The following LRRIQ3 variants were observed in gnomAD, a reference collection of about 807,000 sequenced individuals.
LRRIQ3 encodes leucine rich repeats and IQ motif containing 3.
A neutral mutation model predicts 59.3 loss-of-function variants in LRRIQ3; 75 were observed. That is an observed-to-expected ratio of 1.26 (90% CI 1.05 to 1.53). The LOEUF (loss-of-function observed/expected upper bound fraction) is 1.53. Ranked by LOEUF, LRRIQ3 falls within the 40% of genes most tolerant of loss-of-function variation. The pLI is 0.00. For synonymous variants in LRRIQ3, 250 were observed against 231.3 expected, an observed-to-expected ratio of 1.08 and a Z score of -0.73; for missense variants, 831 against 710.0, an observed-to-expected ratio of 1.17 and a Z score of -1.94.
At chr1:74,168,332 C>T (rs1385987477) in intron 3 of LRRIQ3, among the ~76,000 whole-genome samples, 4 of 152,108 alleles carry the variant, frequency 2.6e-5, no homozygotes, top group Non-Finnish European at 5.9e-5. Context: ...CATGATATAA[C>T]ATCTCTCTCC....
At chr1:74,118,035 G>A (rs1646801055) in intron 4 of LRRIQ3, among the ~76,000 whole-genome samples, 1 of 151,436 alleles carries the variant, frequency 6.6e-6, no homozygotes, top group African/African-American at 2.4e-5. Context: ...AATACATTTA[G>A]CTATTAAAAA....
At chr1:74,103,543 A>G (rs1236470122) in intron 5 of LRRIQ3, among the ~76,000 whole-genome samples, 1 of 151,984 alleles carries the variant, frequency 6.6e-6, no homozygotes, top group Non-Finnish European at 1.5e-5. Flanking sequence ...GAAACACACT[A>G]TTTCACAAAA....
intron 4 of LRRIQ3, among the ~76,000 whole-genome samples, chr1:74,146,559 A>C (rs1337966454): frequency 6.6e-6 from 1 of 152,240 alleles, no homozygotes; most frequent in African/African-American, 2.4e-5. Flanking sequence ...ATATAATTTC[A>C]TAACTTTGCT....
chr1:74,087,381 C>CTTTTTTTTTTTTTTTTTTTTT (rs57068994), intron 5 of LRRIQ3, among the ~76,000 whole-genome samples: 5 of 59,006 alleles, frequency 8.5e-5, no homozygotes, highest in Admixed American at 2.3e-4. Flanking sequence ...AAAATTTTAT[C>CTTTTTTTTTTTTTTTTTTTTT]TTTTTTTTTT....
At chr1:74,042,006 C>A in intron 6 of LRRIQ3, 73 bp from the exon 7 acceptor site, 1 of 1,357,546 alleles carries the variant, frequency 7.4e-7, no homozygotes, top group Non-Finnish European at 9.6e-7. Flanking sequence ...CCAAATATAT[C>A]AATAAACTTG....
Position 74,183,550 on chromosome 1 carries a change from A to G in LRRIQ3, c.135T>C (p.Asn45=). The change falls in exon 2 of 8, where the codon AAT becomes AAC. Residue 45 remains asparagine, a synonymous_variant. Coordinates refer to ENST00000354431, the MANE Select transcript of LRRIQ3 (RefSeq NM_001105659.2). ...FNGLHLKSME[N]LQSCISLRVC... is the part of the protein sequence containing the mutation. ...CTCTAAGAGAGATGCAAGACTGCAA[A>G]TTTTCCATAGACTTTAAATGAAGGC... 1.2e-6 allele frequency: 2 copies of G among 1,612,286 alleles called. No homozygotes were observed. The highest frequency in any genetic ancestry group is 1.1e-5 in the South Asian group (1 of 90,988).
chr1:74,110,451 A>C (rs1330609447), intron 4 of LRRIQ3, among the ~76,000 whole-genome samples: 1 of 152,024 alleles, frequency 6.6e-6, no homozygotes. Flanking sequence ...TTATATAAGT[A>C]CACACAGGAA....
At chr1:74,108,052 T>A (rs2128935) in intron 5 of LRRIQ3, among the ~76,000 whole-genome samples, 74,484 of 151,386 alleles carry the variant, frequency 0.49, 19,329 homozygotes, top group East Asian at 0.82. Context: ...GGAAAATGAA[T>A]ATTTTATTTG....
chr1:74,138,684 T>C (rs1272486717), intron 4 of LRRIQ3: 1 of 155,656 alleles, frequency 6.4e-6, no homozygotes, highest in Non-Finnish European at 1.4e-5. Flanking sequence ...ACTCAGAACA[T>C]GTTGCAAGTT....
At chr1:74,093,659 G>A (rs1646417357) in intron 5 of LRRIQ3, among the ~76,000 whole-genome samples, 1 of 152,052 alleles carries the variant, frequency 6.6e-6, no homozygotes, top group African/African-American at 2.4e-5. Context: ...AATGTAAGAA[G>A]ACCAGGGCTG....
chr1:74,065,699 C>A (rs1049061627), intron 6 of LRRIQ3, among the ~76,000 whole-genome samples: 1 of 151,992 alleles, frequency 6.6e-6, no homozygotes, highest in African/African-American at 2.4e-5. Flanking sequence ...CTCTTTCAGT[C>A]TAAATATTTG....
rs1293292111 is a variant in LRRIQ3 at position 74,026,351 on chromosome 1, A to T, written c.*462T>A. 1.3e-5 allele frequency: 2 copies of T among 152,194 alleles called. No individual in the cohort carries two copies. The highest frequency in any genetic ancestry group is 2.4e-5 in the African/African-American group (1 of 41,454). 9.4% of individuals were successfully genotyped at this position (152,194 alleles called of 1,614,324 possible). A position where few individuals can be genotyped will look rare whatever the true frequency, so the allele number is the denominator to read the frequency against. On this transcript the variant is annotated 3_prime_UTR_variant, in exon 8 of 8. Coordinates refer to ENST00000354431, the MANE Select transcript of LRRIQ3 (RefSeq NM_001105659.2). ...AAACCATACTTTAAAAAATAAATTC[A>T]GAAATTGTTTTAACAAAATAAGCAG... is the stretch of plus-strand genomic sequence containing the variant.
At chr1:74,165,706 T>C (rs1648939237) in intron 3 of LRRIQ3, among the ~76,000 whole-genome samples, 1 of 151,698 alleles carries the variant, frequency 6.6e-6, no homozygotes, top group African/African-American at 2.4e-5. Flanking sequence ...TAATGTTAGT[T>C]GTAGGTATTT....
intron 6 of LRRIQ3, 88 bp downstream of exon 6, chr1:74,074,573 C>A: frequency 1.8e-6 from 1 of 560,880 alleles, no homozygotes; most frequent in South Asian, 5.4e-5. Flanking sequence ...TTTATACTTG[C>A]AAATCAACAT....
intron 6 of LRRIQ3, among the ~76,000 whole-genome samples, chr1:74,063,225 T>C (rs954350650): frequency 6.6e-6 from 1 of 152,084 alleles, no homozygotes; most frequent in African/African-American, 2.4e-5. Context: ...CTTCTATCAT[T>C]TCTAATGTAA....
chr1:74,180,207 A>G (rs569547528), intron 3 of LRRIQ3: 1 of 151,576 alleles, frequency 6.6e-6, no homozygotes, highest in South Asian at 2.1e-4. Flanking sequence ...TTTCTTTTCT[A>G]TTTAATTTTT....
chr1:74,190,419 G>C (rs918315706), intron 1 of LRRIQ3, among the ~76,000 whole-genome samples: 2 of 151,380 alleles, frequency 1.3e-5, no homozygotes, highest in Non-Finnish European at 2.9e-5. Context: ...ACTGATAAAA[G>C]AATCTCTGAC....
intron 4 of LRRIQ3, among the ~76,000 whole-genome samples, chr1:74,148,887 G>A (rs1647745392): frequency 6.6e-6 from 1 of 152,152 alleles, no homozygotes; most frequent in Non-Finnish European, 1.5e-5. Context: ...ACCATGCCAA[G>A]TGAGGACACA....
At chr1:74,064,576 C>T (rs546120562) in intron 6 of LRRIQ3, among the ~76,000 whole-genome samples, 4 of 152,056 alleles carry the variant, frequency 2.6e-5, no homozygotes, top group African/African-American at 9.7e-5. Flanking sequence ...TTCTTTCATA[C>T]ACCTTCTAAG....
Sources: allele counts gnomAD v4.1 joint callset (sites outside exome capture counted in the v4.1 genomes callset), GRCh38; gene constraint gnomAD v4.1.1; transcripts MANE v1.5; gene names NCBI Gene and HGNC (gene_info 2026-07-23, HGNC 2026-07-21).